EZH2: variants seen among roughly 807,000 people sequenced by gnomAD.
The protein encoded by EZH2 is histone-lysine N-methyltransferase EZH2.
Under a neutral mutation model 98.4 loss-of-function variants are expected in EZH2, and 18 were observed. The observed-to-expected ratio is 0.18, with a 90% CI of 0.13 to 0.27. The LOEUF (loss-of-function observed/expected upper bound fraction) is 0.27. Ranked by LOEUF, EZH2 falls within the 10% of genes least tolerant of loss-of-function variation. The probability of loss-of-function intolerance (pLI) is 1.00; values close to 1 mark genes in which losing one functional copy is unlikely to be tolerated. For missense variants in EZH2, 470 were observed against 935.1 expected, an observed-to-expected ratio of 0.50 and a Z score of 6.49; for synonymous variants, 338 against 312.3, an observed-to-expected ratio of 1.08 and a Z score of -0.87.
intron 15 of EZH2, among the ~76,000 whole-genome samples, chr7:148,812,607 A>T (rs1803401236): frequency 6.6e-6 from 1 of 152,246 alleles, no homozygotes; most frequent in South Asian, 2.1e-4. Flanking sequence ...AACATTTTTA[A>T]GAGTTAAAAA....
rs181325755 is a variant in EZH2, at chr7:148,838,678, G to A, written c.247-5928C>T. On this transcript the variant is annotated intron_variant, in intron 3 of 19. Transcript: ENST00000320356. ...ATTATATAAATCTATAGTTTATATAGGCTGTGGCAGTAAAATTGTTTTGAA... is the reference window on the plus strand; with the variant it reads ...ATTATATAAATCTATAGTTTATATAAGCTGTGGCAGTAAAATTGTTTTGAA... 3.1e-3 allele frequency among the ~76,000 whole-genome samples: 475 copies of A among 152,310 alleles called. 4 individuals are homozygous for A. The highest frequency in any genetic ancestry group is 5.0e-3 in the Non-Finnish European group (338 of 68,020).
chr7:148,835,228 T>C (rs1199660596), intron 3 of EZH2, among the ~76,000 whole-genome samples: 1 of 152,072 alleles, frequency 6.6e-6, no homozygotes, highest in East Asian at 1.9e-4. Flanking sequence ...AAGACCAGCC[T>C]GGGCAACATG....
chr7:148,845,183 G>T (rs950481927), intron 3 of EZH2, among the ~76,000 whole-genome samples: 1 of 152,152 alleles, frequency 6.6e-6, no homozygotes, highest in Non-Finnish European at 1.5e-5. Flanking sequence ...TTCCTCCAGA[G>T]AGAAAATGAG....
At chr7:148,870,078 A>C (rs910246603) in intron 1 of EZH2, among the ~76,000 whole-genome samples, 1 of 152,192 alleles carries the variant, frequency 6.6e-6, no homozygotes. Context: ...TCTTCATAGC[A>C]TAACTTGAGT....
chr7:148,843,583 G>GTTTTTTTTTT (rs1157236882), intron 3 of EZH2, among the ~76,000 whole-genome samples: 1 of 64,310 alleles, frequency 1.6e-5, no homozygotes, highest in African/African-American at 7.1e-5. Context: ...GGGAGTATAA[G>GTTTTTTTTTT]TTTTTTTTTT....
At chr7:148,881,241 C>G (rs1218919580) in intron 1 of EZH2, among the ~76,000 whole-genome samples, 2 of 152,208 alleles carry the variant, frequency 1.3e-5, no homozygotes, top group African/African-American at 2.4e-5. Context: ...TCAACTTTCT[C>G]AATCACTGCT....
At chr7:148,850,555 C>A in intron 1 of EZH2, 1 of 414,146 alleles carries the variant, frequency 2.4e-6, no homozygotes, top group Non-Finnish European at 3.2e-6. Flanking sequence ...TTTAAAGTAC[C>A]AATTAAAAGG....
chr7:148,849,015 A>C (rs1006613408), intron 1 of EZH2, among the ~76,000 whole-genome samples: 2 of 152,208 alleles, frequency 1.3e-5, no homozygotes, highest in Admixed American at 6.5e-5. Flanking sequence ...AATACAATGT[A>C]AATGCCATGT....
At chr7:148,850,644 T>G (rs1382378089) in intron 1 of EZH2, among the ~76,000 whole-genome samples, 2 of 152,184 alleles carry the variant, frequency 1.3e-5, no homozygotes, top group African/African-American at 4.8e-5. Context: ...TTTCACTCTA[T>G]TCCCACTGTA....
At chr7:148,872,494 C>T (rs143681100) in intron 1 of EZH2, among the ~76,000 whole-genome samples, 396 of 152,110 alleles carry the variant, frequency 2.6e-3, no homozygotes, top group Middle Eastern at 0.01. Context: ...GGGCTTTTTA[C>T]AATTTTTAAA....
At chr7:148,817,495 T>A in intron 10 of EZH2, 104 bp from the exon 11 acceptor site, 1 of 1,141,786 alleles carries the variant, frequency 8.8e-7, no homozygotes, top group Non-Finnish European at 1.2e-6. Context: ...TGAGGACAAC[T>A]CAAATCCAAT....
intron 1 of EZH2, among the ~76,000 whole-genome samples, chr7:148,882,045 C>G (rs1364295999): frequency 1.3e-5 from 2 of 151,436 alleles, no homozygotes; most frequent in African/African-American, 4.9e-5. Context: ...ATCTGCATAA[C>G]TACCTTATCT....
At chr7:148,849,446 A>G (rs577972533) in intron 1 of EZH2, among the ~76,000 whole-genome samples, 100 of 152,342 alleles carry the variant, frequency 6.6e-4, no homozygotes, top group South Asian at 1.0e-3. Flanking sequence ...TAAGGACCTG[A>G]AGGGAACGAA....
chr7:148,869,119 T>C (rs913442719), intron 1 of EZH2, among the ~76,000 whole-genome samples: 2 of 149,794 alleles, frequency 1.3e-5, no homozygotes, highest in African/African-American at 5.1e-5. Context: ...GATAATAGGC[T>C]TATAATCAGC....
At chr7:148,866,545 CATAT>C (rs777063760) in intron 1 of EZH2, among the ~76,000 whole-genome samples, 1 of 97,784 alleles carries the variant, frequency 1.0e-5, no homozygotes, top group Non-Finnish European at 2.0e-5. Context: ...TACGTATATA[CATAT>C]ATATACATAT....
At chr7:148,868,175 A>G (rs567956278) in intron 1 of EZH2, among the ~76,000 whole-genome samples, 9 of 152,236 alleles carry the variant, frequency 5.9e-5, no homozygotes, top group Non-Finnish European at 8.8e-5. Context: ...ATTTTCAGGT[A>G]TCTTTATTGT....
In EZH2 at chr7:148,807,564, C is replaced by G; in HGVS notation, c.*82G>C. Reference sequence around the variant, plus strand: ...AATTCAGAATTTCAAACTGCATGTTCTTTTTCTAAATTGCCCACAGTACTC... The same window carrying G: ...AATTCAGAATTTCAAACTGCATGTTGTTTTTCTAAATTGCCCACAGTACTC... On this transcript the variant is annotated 3_prime_UTR_variant, in exon 20 of 20. Transcript: ENST00000320356. 9.7e-6 allele frequency: 11 copies of G among 1,136,156 alleles called. No individual in the cohort carries two copies. In the South Asian group the frequency reaches 1.5e-4, roughly 15 times the overall value. The allele number at this position is 1,136,156 out of a possible 1,614,324, so 70.4% of individuals were successfully genotyped here.
At chr7:148,833,541 T>C (rs1191463334) in intron 3 of EZH2, among the ~76,000 whole-genome samples, 1 of 152,146 alleles carries the variant, frequency 6.6e-6, no homozygotes, top group Non-Finnish European at 1.5e-5. Flanking sequence ...TTTTTTAAAA[T>C]CTAAGTGTCA....
At chr7:148,863,874 C>T (rs947285950) in intron 1 of EZH2, among the ~76,000 whole-genome samples, 2 of 152,170 alleles carry the variant, frequency 1.3e-5, no homozygotes, top group Middle Eastern at 3.4e-3. Flanking sequence ...AGAGATCTAT[C>T]GAAATGTGGA....
Sources: gnomAD v4.1 joint callset for allele counts (sites outside exome capture counted in the v4.1 genomes callset) on GRCh38, gnomAD v4.1.1 for gene constraint, MANE v1.5 for transcripts, NCBI Gene and HGNC (gene_info 2026-07-23, HGNC 2026-07-21) for gene names.